Variants in DPY19L3 observed in about 807,000 individuals in gnomAD.
DPY19L3 encodes the protein dpy-19 like C-mannosyltransferase 3, also known as protein C-mannosyl-transferase DPY19L3.
DPY19L3 carries 51 observed loss-of-function variants against 92.3 expected under a neutral mutation model. The ratio of observed to expected loss-of-function variants is 0.55; its 90% confidence interval spans 0.44 to 0.70. DPY19L3 has a LOEUF of 0.70. Among genes scored for constraint, DPY19L3 ranks in the 30% least tolerant of loss-of-function variants. The pLI, the probability that DPY19L3 is intolerant of heterozygous loss-of-function variation, is 0.00. For missense variants in DPY19L3, 706 were observed against 855.9 expected, an observed-to-expected ratio of 0.82 and a Z score of 2.18; for synonymous variants, 309 against 315.2, an observed-to-expected ratio of 0.98 and a Z score of 0.21.
intron 8 of DPY19L3, among the ~76,000 whole-genome samples, chr19:32,443,788 A>T (rs190144614): frequency 2.0e-5 from 3 of 152,306 alleles, no homozygotes; most frequent in Non-Finnish European, 4.4e-5. Context: ...GGCCGAGCGC[A>T]GTGGCTCATG....
At chr19:32,468,040 T>G in intron 15 of DPY19L3, 1 of 985,318 alleles carries the variant, frequency 1.0e-6, no homozygotes, top group Non-Finnish European at 1.2e-6. Flanking sequence ...TCAAACCATT[T>G]GACCAGATTT....
At chr19:32,463,270 C>T in intron 12 of DPY19L3, 96 bp from the exon 13 acceptor site, 1 of 1,319,352 alleles carries the variant, frequency 7.6e-7, no homozygotes, top group South Asian at 1.3e-5. Context: ...TTTCTGAATA[C>T]ATAAAGGCAT....
chr19:32,477,396 T>C (rs971016760), intron 16 of DPY19L3, 126 bp from the exon 17 acceptor site: 17 of 1,293,146 alleles, frequency 1.3e-5, no homozygotes, highest in Non-Finnish European at 1.8e-5. Flanking sequence ...ACTCCCGTTT[T>C]TTTTCCCTGA....
intron 8 of DPY19L3, among the ~76,000 whole-genome samples, chr19:32,440,134 A>G (rs1969277055): frequency 6.6e-6 from 1 of 152,192 alleles, no homozygotes; most frequent in Admixed American, 6.5e-5. Context: ...AATGGATTTT[A>G]TTTTGGGGCA....
intron 16 of DPY19L3, among the ~76,000 whole-genome samples, chr19:32,469,276 C>T (rs1347420119): frequency 6.6e-6 from 1 of 152,112 alleles, no homozygotes; most frequent in African/African-American, 2.4e-5. Context: ...GTGGGCTGAT[C>T]ACCCGAGGTC....
intron 4 of DPY19L3, among the ~76,000 whole-genome samples, chr19:32,433,729 T>A: frequency 6.6e-6 from 1 of 152,114 alleles, no homozygotes; most frequent in East Asian, 1.9e-4. Flanking sequence ...AGCCCATAAG[T>A]GATGTTTTTT....
intron 15 of DPY19L3, among the ~76,000 whole-genome samples, chr19:32,467,106 A>C (rs966936553): frequency 6.6e-6 from 1 of 152,232 alleles, no homozygotes; most frequent in African/African-American, 2.4e-5. Flanking sequence ...TCCGAAGTCA[A>C]GACTTTAGTA....
intron 3 of DPY19L3, 168 bp downstream of exon 3, chr19:32,411,540 T>C: frequency 2.0e-6 from 1 of 496,530 alleles, no homozygotes; most frequent in South Asian, 5.2e-5. Context: ...TAAAATAACA[T>C]ATTAGAATCT....
chr19:32,436,598 C>T, intron 5 of DPY19L3, 31 bp downstream of exon 5: 1 of 1,407,226 alleles, frequency 7.1e-7, no homozygotes, highest in South Asian at 1.7e-5. Context: ...TTATTAATAT[C>T]AGATGAAAGT....
chr19:32,466,515 C>T (rs890755108), intron 15 of DPY19L3, among the ~76,000 whole-genome samples: 6 of 152,208 alleles, frequency 3.9e-5, no homozygotes, highest in African/African-American at 1.4e-4. Context: ...AGCCTCTGCC[C>T]GCTCATTGAA....
At chr19:32,445,440 C>CAAAAAAAAAAAAAAAAAAAAAAAAAAAA (rs71336904) in intron 8 of DPY19L3, among the ~76,000 whole-genome samples, 2 of 42,828 alleles carry the variant, frequency 4.7e-5, no homozygotes, top group Admixed American at 4.1e-4. Flanking sequence ...GACTTCATCT[C>CAAAAAAAAAAAAAAAAAAAAAAAAAAAA]AAAAAAAAAA....
intron 3 of DPY19L3, chr19:32,411,622 C>A: frequency 2.4e-6 from 1 of 422,396 alleles, no homozygotes; most frequent in Non-Finnish European, 4.1e-6. Flanking sequence ...GGCTGGAGTG[C>A]GGTGGCGCAA....
rs375213407 is a variant in DPY19L3, at chr19:32,480,514, G to A, written c.1946G>A (p.Arg649Gln). The A allele has an allele frequency of 1.7e-5, 27 of 1,613,982 alleles. No homozygotes were observed. Among genetic ancestry groups the A allele is most frequent in the African/African-American group, 1.5e-4 (11 of 74,940 alleles). Residue 649 changes from arginine to glutamine, a missense_variant, in exon 18 of 19, where the codon CGG (arginine) becomes CAG (glutamine). By Grantham distance (43) the Arg-to-Gln change is conservative. Coordinates refer to ENST00000392250, the MANE Select transcript of DPY19L3 (RefSeq NM_001172774.2). Reference protein sequence around the residue: ...DSICYERRHRRGCRLRDLLDI... With the variant: ...DSICYERRHRQGCRLRDLLDI... ...ATCTGCTACGAGCGGAGGCACCGCC[G>A]GGGCTGCCGACTCCGGGACCTGCTG... is the stretch of plus-strand genomic sequence containing the variant.
At chr19:32,435,633 T>A (rs1969113543) in intron 4 of DPY19L3, among the ~76,000 whole-genome samples, 1 of 152,220 alleles carries the variant, frequency 6.6e-6, no homozygotes, top group Non-Finnish European at 1.5e-5. Context: ...TTGTAAAACT[T>A]TTTTTGCCAA....
rs1970726002 is a variant in DPY19L3 at position 32,483,390 on chromosome 19, A to AT, written c.*1151dup. 6.6e-6 allele frequency: 1 copy of AT among 152,640 alleles called. No individual in the cohort carries two copies. Among genetic ancestry groups the AT allele is most frequent in the African/African-American group, 2.4e-5 (1 of 41,452 alleles). The allele number at this position is 152,640 out of a possible 1,614,324, so 9.5% of individuals were successfully genotyped here. ...GTACCTGCTCAAAATTTTTTTGATAATCGCTTATATAATTAATTTCTAATG... is the reference window on the plus strand; with the variant it reads ...GTACCTGCTCAAAATTTTTTTGATAATTCGCTTATATAATTAATTTCTAATG... On this transcript the variant is annotated 3_prime_UTR_variant, in exon 19 of 19. Transcript: ENST00000392250.
intron 18 of DPY19L3, chr19:32,481,120 G>A (rs1970661024): frequency 4.5e-6 from 1 of 221,768 alleles, no homozygotes; most frequent in African/African-American, 2.3e-5. Context: ...TGAGGAAAGT[G>A]TTCTTGGAGC....
At chr19:32,439,997 A>G in intron 8 of DPY19L3, 87 bp downstream of exon 8, 1 of 1,518,236 alleles carries the variant, frequency 6.6e-7, no homozygotes, top group African/African-American at 1.4e-5. Flanking sequence ...GCAAGTACTT[A>G]TGGATAAAAT....
intron 16 of DPY19L3, among the ~76,000 whole-genome samples, chr19:32,475,167 C>A (rs1165816944): frequency 1.3e-5 from 2 of 152,208 alleles, no homozygotes; most frequent in African/African-American, 4.8e-5. Context: ...CTTTGTGCAT[C>A]TTCTTGGTGC....
intron 3 of DPY19L3, among the ~76,000 whole-genome samples, chr19:32,423,402 A>ATTTTTTTTTTTTTTTTTTTTT (rs71176123): frequency 4.9e-5 from 4 of 82,228 alleles, no homozygotes; most frequent in African/African-American, 9.6e-5. Flanking sequence ...TGCCCAGCTA[A>ATTTTTTTTTTTTTTTTTTTTT]TTTTTTTTTT....
Sources: allele counts gnomAD v4.1 joint callset (sites outside exome capture counted in the v4.1 genomes callset), GRCh38; gene constraint gnomAD v4.1.1; transcripts MANE v1.5; gene names NCBI Gene and HGNC (gene_info 2026-07-23, HGNC 2026-07-21).